The following VWC2 variants were observed in gnomAD, a reference collection of about 807,000 sequenced individuals.
VWC2 encodes von Willebrand factor C domain containing 2.
In VWC2, 14 loss-of-function variants were observed where a neutral mutation model predicts 29.8. The ratio of observed to expected loss-of-function variants is 0.47; its 90% CI spans 0.31 to 0.74. VWC2 has a LOEUF of 0.74. VWC2 is among the 30% of genes least tolerant of loss of function. The pLI, the probability that VWC2 is intolerant of heterozygous loss-of-function variation, is 0.05. For missense variants in VWC2, 457 were observed against 459.8 expected, an observed-to-expected ratio of 0.99 and a Z score of 0.05; for synonymous variants, 213 against 199.0, an observed-to-expected ratio of 1.07 and a Z score of -0.59.
Position 49,917,770 on chromosome 7 carries a change from G to A in VWC2, c.*5585G>A, listed in dbSNP as rs1392730350. On this transcript the variant is annotated 3_prime_UTR_variant, in exon 4 of 4. Transcript: ENST00000340652. Reference sequence around the variant, plus strand: ...TTTAATGATCATTATTTTATTTAATGATTAATATTTTCTATTATTTGAATT... The same window carrying A: ...TTTAATGATCATTATTTTATTTAATAATTAATATTTTCTATTATTTGAATT... The A allele has an allele frequency of 1.3e-5, 2 of 151,840 alleles. No individual in the cohort carries two copies. Among genetic ancestry groups the A allele is most frequent in the Non-Finnish European group, 2.9e-5 (2 of 67,920 alleles). 9.4% of individuals were successfully genotyped at this position (151,840 alleles called of 1,614,324 possible).
At chr7:49,827,511 C>G (rs1174816815) in intron 3 of VWC2, among the ~76,000 whole-genome samples, 1 of 24,042 alleles carries the variant, frequency 4.2e-5, no homozygotes, top group African/African-American at 1.5e-4. Context: ...CCTTTGTTGT[C>G]TCTTTTTATT....
chr7:49,846,026 C>T (rs1181736357), intron 3 of VWC2, among the ~76,000 whole-genome samples: 1 of 152,216 alleles, frequency 6.6e-6, no homozygotes, highest in Non-Finnish European at 1.5e-5. Context: ...TGGAAGTTAT[C>T]CATGTTGTCC....
chr7:49,853,656 TTTC>T lies in VWC2; in HGVS notation c.826+50822_826+50824del, dbSNP rs374459973. Among the ~76,000 whole-genome samples the T allele has an allele frequency of 7.4e-3, 1,128 of 152,260 alleles. 10 individuals carry two copies. Among genetic ancestry groups the T allele is most frequent in the African/African-American group, 0.026 (1,063 of 41,542 alleles). ...TAAAGTATGTTTATGAACGTTTGTT[TTTC>T]TTCTTGTCATTTATTATTGCATCCT... On this transcript the variant is annotated intron_variant, in intron 3 of 3. Coordinates refer to ENST00000340652, the MANE Select transcript of VWC2 (RefSeq NM_198570.5).
intron 3 of VWC2, among the ~76,000 whole-genome samples, chr7:49,877,235 G>T (rs1791449256): frequency 6.6e-6 from 1 of 151,574 alleles, no homozygotes; most frequent in Admixed American, 6.6e-5. Context: ...GCCGAAGCAG[G>T]TCGATCACCT....
intron 3 of VWC2, among the ~76,000 whole-genome samples, chr7:49,910,696 C>T (rs918096472): frequency 6.6e-6 from 1 of 152,200 alleles, no homozygotes; most frequent in African/African-American, 2.4e-5. Context: ...AGATGTGACA[C>T]ATTTGTTGGC....
intron 3 of VWC2, among the ~76,000 whole-genome samples, chr7:49,891,552 G>C (rs1792128777): frequency 6.6e-6 from 1 of 152,134 alleles, no homozygotes; most frequent in Non-Finnish European, 1.5e-5. Flanking sequence ...TCAAGGAAAT[G>C]CAAGTTAAAG....
intron 2 of VWC2, among the ~76,000 whole-genome samples, chr7:49,799,126 A>G (rs1423415432): frequency 6.6e-6 from 1 of 152,222 alleles, no homozygotes; most frequent in Non-Finnish European, 1.5e-5. Flanking sequence ...ACACCTGCTT[A>G]GTTGGGTGAA....
At chr7:49,881,879 A>G (rs188965412) in intron 3 of VWC2, among the ~76,000 whole-genome samples, 3 of 152,068 alleles carry the variant, frequency 2.0e-5, no homozygotes, top group African/African-American at 7.2e-5. Flanking sequence ...AGATTTTTTA[A>G]TAAAAGAGAC....
At chr7:49,896,112 G>A (rs1397867675) in intron 3 of VWC2, among the ~76,000 whole-genome samples, 2 of 152,188 alleles carry the variant, frequency 1.3e-5, no homozygotes, top group African/African-American at 4.8e-5. Flanking sequence ...AGGCCAAAGT[G>A]GGTGGATCAC....
chr7:49,836,026 T>C (rs1342715718), intron 3 of VWC2, among the ~76,000 whole-genome samples: 2 of 152,196 alleles, frequency 1.3e-5, no homozygotes, highest in Non-Finnish European at 2.9e-5. Flanking sequence ...AATTTGCAAA[T>C]GATAATGAAT....
rs1794033226 is a variant in VWC2, at chr7:49,921,815, AT to A, written c.*9633del. The A allele has an allele frequency of 6.6e-6, 1 of 152,150 alleles. No homozygotes were observed. 9.4% of individuals were successfully genotyped at this position (152,150 alleles called of 1,614,324 possible). A position where few individuals can be genotyped will look rare whatever the true frequency, so the allele number is the denominator to read the frequency against. On this transcript the variant is annotated 3_prime_UTR_variant, in exon 4 of 4. Transcript: ENST00000340652. ...TAGTTTTTATCCCATTTATATATATATTTACCAGAAAAATGTTTTGTAATAC... is the reference window on the plus strand; with the variant it reads ...TAGTTTTTATCCCATTTATATATATATTACCAGAAAAATGTTTTGTAATAC...
chr7:49,897,323 AC>A (rs1792439507), intron 3 of VWC2, among the ~76,000 whole-genome samples: 1 of 152,264 alleles, frequency 6.6e-6, no homozygotes, highest in Non-Finnish European at 1.5e-5. Flanking sequence ...TTATCCTGAT[AC>A]CAAAACCAAA....
intron 3 of VWC2, among the ~76,000 whole-genome samples, chr7:49,911,289 C>G (rs776643547): frequency 3.3e-5 from 5 of 151,944 alleles, no homozygotes; most frequent in African/African-American, 4.8e-5. Flanking sequence ...CGAGACCATC[C>G]TGGCCAACAT....
intron 3 of VWC2, among the ~76,000 whole-genome samples, chr7:49,826,667 T>C (rs754291264): frequency 6.6e-6 from 1 of 152,222 alleles, no homozygotes; most frequent in Non-Finnish European, 1.5e-5. Context: ...TCAAAACCAG[T>C]AATACTTTTA....
chr7:49,775,799 G>A lies in VWC2; in HGVS notation c.364G>A (p.Ala122Thr). 2 of 1,535,852 alleles carry A rather than the reference G, an allele frequency of 1.3e-6. No individual in the cohort carries two copies. The highest frequency in any genetic ancestry group is 1.8e-6 in the Non-Finnish European group (2 of 1,141,264). ...RPRGDTPQAEALAAAAQDAIG... is the reference protein window; with the variant it reads ...RPRGDTPQAETLAAAAQDAIG... ...CCGCGGGGACACCCCGCAGGCGGAAGCCCTGGCCGCAGCCGCCCAGGACGC... is the reference window on the plus strand; with the variant it reads ...CCGCGGGGACACCCCGCAGGCGGAAACCCTGGCCGCAGCCGCCCAGGACGC... Residue 122 changes from alanine (A) to threonine (T), a missense_variant, in exon 2 of 4, where the codon GCC becomes ACC. Ala to Thr is a moderately conservative substitution (Grantham distance 58, BLOSUM62 0). Coordinates refer to ENST00000340652, the MANE Select transcript of VWC2 (RefSeq NM_198570.5).
intron 2 of VWC2, among the ~76,000 whole-genome samples, chr7:49,797,110 CTA>C (rs1284802983): frequency 6.6e-6 from 1 of 152,184 alleles, no homozygotes; most frequent in Non-Finnish European, 1.5e-5. Flanking sequence ...AAAGGTCTAA[CTA>C]TGAATAATTT....
rs368236114 is a variant in VWC2 at position 49,784,395 on chromosome 7, A to G, written c.696+8264A>G. On this transcript the variant is annotated intron_variant, in intron 2 of 3. Coordinates refer to ENST00000340652, the MANE Select transcript of VWC2 (RefSeq NM_198570.5). ...AAGAGAAATTAATTTCTAGAGGTGGAGTTGGAATCCATAGAGCAAAGTCTG... is the reference window on the plus strand; with the variant it reads ...AAGAGAAATTAATTTCTAGAGGTGGGGTTGGAATCCATAGAGCAAAGTCTG... Among the ~76,000 whole-genome samples the G allele has an allele frequency of 1.1e-4, 16 of 152,368 alleles. No individual in the cohort carries two copies. The East Asian group carries it at 2.7e-3, about 26-fold the overall frequency.
intron 3 of VWC2, among the ~76,000 whole-genome samples, chr7:49,810,778 T>C (rs1788990880): frequency 6.6e-6 from 1 of 152,156 alleles, no homozygotes; most frequent in African/African-American, 2.4e-5. Flanking sequence ...GAAAGAATAG[T>C]CTTTTCAACA....
intron 3 of VWC2, among the ~76,000 whole-genome samples, chr7:49,845,565 T>C (rs1418714596): frequency 6.6e-6 from 1 of 152,244 alleles, no homozygotes; most frequent in African/African-American, 2.4e-5. Context: ...ATTGGTCAGA[T>C]GCTAACACAA....
Sources: gnomAD v4.1 joint callset for allele counts (sites outside exome capture counted in the v4.1 genomes callset) on GRCh38, gnomAD v4.1.1 for gene constraint, MANE v1.5 for transcripts, NCBI Gene and HGNC (gene_info 2026-07-23, HGNC 2026-07-21) for gene names.